The following RETREG1 variants were observed in gnomAD, a reference collection of about 807,000 sequenced individuals.
RETREG1 encodes the protein reticulophagy regulator 1.
In RETREG1, 44 loss-of-function variants were observed where a neutral mutation model predicts 54.8. The ratio of observed to expected loss-of-function variants is 0.80; its 90% CI spans 0.63 to 1.03. The LOEUF is 1.03. Ranked by LOEUF, RETREG1 falls within the 50% of genes least tolerant of loss-of-function variation. The probability of loss-of-function intolerance (pLI) is 0.00; values close to 1 mark genes in which losing one functional copy is unlikely to be tolerated. For synonymous variants in RETREG1, 217 were observed against 238.5 expected, an observed-to-expected ratio of 0.91 and a Z score of 0.83; for missense variants, 554 against 605.1, an observed-to-expected ratio of 0.92 and a Z score of 0.89.
chr5:16,568,277 T>C lies in RETREG1; in HGVS notation c.428-2484A>G, dbSNP rs1166509301. Among the ~76,000 whole-genome samples the C allele has an allele frequency of 2.5e-4, 34 of 135,352 alleles. No individual in the cohort carries two copies. In the East Asian group the frequency reaches 5.7e-3, roughly 23 times the overall value. The allele number at this position is 135,352 out of a possible 152,430, so 88.8% of individuals were successfully genotyped here. On this transcript the variant is annotated intron_variant, in intron 2 of 8. Transcript: ENST00000306320. ...ACTCACAAGATGATATCACTGACTT[T>C]TTTTTTTTTTTTGAGATGGAGTCTC...
Position 16,594,358 on chromosome 5 carries a change from A to G in RETREG1, c.321-22256T>C, listed in dbSNP as rs1561133404. Among the ~76,000 whole-genome samples, 2 of 152,222 alleles carry G rather than the reference A, an allele frequency of 1.3e-5. No homozygotes were observed. The highest frequency in any genetic ancestry group is 4.8e-5 in the African/African-American group (2 of 41,456). On this transcript the variant is annotated intron_variant, in intron 1 of 8. Coordinates refer to ENST00000306320, the MANE Select transcript of RETREG1 (RefSeq NM_001034850.3). This position sits in a 1 kb window ranked among gnomAD's most constrained non-coding sequence, Gnocchi z 4.4. ...ATGTGACTGAATGAAAATGAGCCAAACGTGAAATGTCATTGTTAAATATCT... is the reference window on the plus strand; with the variant it reads ...ATGTGACTGAATGAAAATGAGCCAAGCGTGAAATGTCATTGTTAAATATCT...
chr5:16,534,723 TA>T (rs1458984700), intron 3 of RETREG1, among the ~76,000 whole-genome samples: 3 of 152,250 alleles, frequency 2.0e-5, no homozygotes, highest in Non-Finnish European at 4.4e-5. Context: ...TTTATTTTAT[TA>T]ATCTGCTAAG....
rs568115530 is a variant in RETREG1 at position 16,513,776 on chromosome 5, G to A, written c.459-30304C>T. On this transcript the variant is annotated intron_variant, in intron 3 of 8. Coordinates refer to ENST00000306320, the MANE Select transcript of RETREG1 (RefSeq NM_001034850.3). ...AGAATGAGTCCTGTTTTCTCTGTTC[G>A]ATGCTCCTTCTCCCACGGGAGCCTC... Among the ~76,000 whole-genome samples, 5 of 152,300 alleles carry A rather than the reference G, an allele frequency of 3.3e-5. No homozygotes were observed. In the South Asian group the frequency reaches 8.3e-4, roughly 25 times the overall value.
At chr5:16,605,993 C>G (rs1743181722) in intron 1 of RETREG1, among the ~76,000 whole-genome samples, 1 of 152,180 alleles carries the variant, frequency 6.6e-6, no homozygotes, top group South Asian at 2.1e-4. Flanking sequence ...ATTTCCTAAA[C>G]TACTTGAATT....
At chr5:16,588,537 C>T (rs1742677039) in intron 1 of RETREG1, among the ~76,000 whole-genome samples, 1 of 152,202 alleles carries the variant, frequency 6.6e-6, no homozygotes, top group Non-Finnish European at 1.5e-5. Context: ...CAAGGTCACT[C>T]CTGTGTCAAA....
At chr5:16,544,476 A>G (rs1037446667) in intron 3 of RETREG1, among the ~76,000 whole-genome samples, 1 of 152,182 alleles carries the variant, frequency 6.6e-6, no homozygotes, top group Non-Finnish European at 1.5e-5. Flanking sequence ...ATAATATTGT[A>G]TCTAAGAAAT....
intron 3 of RETREG1, among the ~76,000 whole-genome samples, chr5:16,541,761 G>C (rs990531868): frequency 7.4e-4 from 105 of 141,132 alleles, no homozygotes; most frequent in Non-Finnish European, 1.2e-3. Flanking sequence ...AGGAAGGAAG[G>C]AAGGAAGGAA....
At chr5:16,569,046 C>T (rs978772632) in intron 2 of RETREG1, among the ~76,000 whole-genome samples, 27 of 152,090 alleles carry the variant, frequency 1.8e-4, no homozygotes, top group South Asian at 2.1e-4. Context: ...ATGGAGTTAC[C>T]GTAACTGCAT....
chr5:16,574,248 CAGAG>C (rs1742267840), intron 1 of RETREG1, among the ~76,000 whole-genome samples: 1 of 152,032 alleles, frequency 6.6e-6, no homozygotes, highest in African/African-American at 2.4e-5. Context: ...CAGAGACTGG[CAGAG>C]AGACAAGATT....
At chr5:16,599,520 G>A (rs1742992664) in intron 1 of RETREG1, among the ~76,000 whole-genome samples, 1 of 152,162 alleles carries the variant, frequency 6.6e-6, no homozygotes, top group Admixed American at 6.5e-5. Context: ...AGAGAACTTG[G>A]ATACCTTGCC....
At chr5:16,477,553 CTG>C in intron 8 of RETREG1, 107 bp downstream of exon 8, 1 of 1,033,422 alleles carries the variant, frequency 9.7e-7, no homozygotes. Context: ...TAATATTCTA[CTG>C]TGTAGATATG....
At chr5:16,528,580 G>A (rs1454519408) in intron 3 of RETREG1, among the ~76,000 whole-genome samples, 1 of 152,142 alleles carries the variant, frequency 6.6e-6, no homozygotes, top group Non-Finnish European at 1.5e-5. Flanking sequence ...GGTGATAGCA[G>A]GGGGTTCTGA....
At chr5:16,602,209 C>G (rs1743071897) in intron 1 of RETREG1, among the ~76,000 whole-genome samples, 1 of 152,162 alleles carries the variant, frequency 6.6e-6, no homozygotes, top group South Asian at 2.1e-4. Context: ...GAAAACCTTA[C>G]ACTCTCATGA....
chr5:16,516,276 C>A (rs1370186466), intron 3 of RETREG1, among the ~76,000 whole-genome samples: 1 of 152,186 alleles, frequency 6.6e-6, no homozygotes, highest in Non-Finnish European at 1.5e-5. Context: ...AAGTCAGCTT[C>A]TCTCTGAGTA....
chr5:16,524,661 A>C (rs1740642800), intron 3 of RETREG1, among the ~76,000 whole-genome samples: 1 of 152,224 alleles, frequency 6.6e-6, no homozygotes, highest in Non-Finnish European at 1.5e-5. Flanking sequence ...ATGAAATCAC[A>C]AGTTGTGTTG....
intron 1 of RETREG1, among the ~76,000 whole-genome samples, chr5:16,583,597 G>T (rs755178881): frequency 6.6e-6 from 1 of 151,960 alleles, no homozygotes; most frequent in Non-Finnish European, 1.5e-5. Context: ...GATGAGTTTT[G>T]CAAGGCCAAA....
Position 16,474,669 on chromosome 5 carries a change from C to CTTTTTTTTTTTTTTTTTTCT in RETREG1, c.*71_*72insAGAAAAAAAAAAAAAAAAAA. The stretch of plus-strand genomic sequence containing the variant: ...CTTACAGTTCAATTTTTTTCTTTTC[C>CTTTTTTTTTTTTTTTTTTCT]TTTTTTTTTTTTTTTTCTTGTTTGA... On this transcript the variant is annotated 3_prime_UTR_variant, in exon 9 of 9. Transcript: ENST00000306320. 7.9e-7 allele frequency: 1 copy of CTTTTTTTTTTTTTTTTTTCT among 1,264,832 alleles called. No individual in the cohort carries two copies. The highest frequency in any genetic ancestry group is 1.5e-5 in the South Asian group (1 of 67,744). 78.4% of individuals were successfully genotyped at this position (1,264,832 alleles called of 1,614,324 possible).
chr5:16,499,547 C>T (rs906253567), intron 3 of RETREG1, among the ~76,000 whole-genome samples: 1 of 152,202 alleles, frequency 6.6e-6, no homozygotes, highest in African/African-American at 2.4e-5. Flanking sequence ...CAAAATGAAG[C>T]ACTTGCTTAC....
chr5:16,512,942 G>A (rs1323638481), intron 3 of RETREG1, among the ~76,000 whole-genome samples: 5 of 152,048 alleles, frequency 3.3e-5, no homozygotes, highest in Non-Finnish European at 7.4e-5. Context: ...ACCAAGCGAA[G>A]GTAACTGCCA....
Sources: allele counts gnomAD v4.1 joint callset (sites outside exome capture counted in the v4.1 genomes callset), GRCh38; gene constraint gnomAD v4.1.1; non-coding constraint Gnocchi (gnomAD v3.1); transcripts MANE v1.5; gene names NCBI Gene and HGNC (gene_info 2026-07-23, HGNC 2026-07-21).